The following UGT8 variants were observed in gnomAD, a reference collection of about 807,000 sequenced individuals.
UGT8 encodes the protein 2-hydroxyacylsphingosine 1-beta-galactosyltransferase.
In UGT8, 12 loss-of-function variants were observed where a neutral mutation model predicts 40.5. The ratio of observed to expected loss-of-function variants is 0.30; its 90% CI spans 0.19 to 0.48. UGT8 has a LOEUF of 0.48. UGT8 is among the 20% of genes least tolerant of loss of function. The probability of loss-of-function intolerance (pLI) is 0.99; values close to 1 mark genes in which losing one functional copy is unlikely to be tolerated. For synonymous variants in UGT8, 224 were observed against 240.4 expected (o/e 0.93, Z 0.63); for missense variants, 513 against 648.7 (o/e 0.79, Z 2.27).
chr4:114,635,417 C>T (rs72677938), intron 2 of UGT8, among the ~76,000 whole-genome samples: 2 of 151,428 alleles, frequency 1.3e-5, no homozygotes, highest in African/African-American at 4.8e-5. Flanking sequence ...CATATTTTTC[C>T]CCAGTGAATA....
chr4:114,606,357 T>C (rs749117995), intron 1 of UGT8, among the ~76,000 whole-genome samples: 2 of 152,158 alleles, frequency 1.3e-5, no homozygotes, highest in Admixed American at 6.6e-5. Flanking sequence ...CAGTTAGTCT[T>C]AGGCCTAAGA....
At chr4:114,633,488 G>C (rs1433744081) in intron 2 of UGT8, among the ~76,000 whole-genome samples, 1 of 152,174 alleles carries the variant, frequency 6.6e-6, no homozygotes, top group African/African-American at 2.4e-5. Flanking sequence ...AAGATCAGTG[G>C]GGGCTGAGAA....
At chr4:114,600,613 A>G (rs1730387718) in intron 1 of UGT8, among the ~76,000 whole-genome samples, 1 of 152,170 alleles carries the variant, frequency 6.6e-6, no homozygotes, top group Admixed American at 6.5e-5. Context: ...TTCATCACTC[A>G]GTTATTAAGC....
intron 2 of UGT8, among the ~76,000 whole-genome samples, chr4:114,624,328 A>C (rs1732050731): frequency 6.6e-6 from 1 of 152,224 alleles, no homozygotes; most frequent in Non-Finnish European, 1.5e-5. Context: ...TGAAACTTAA[A>C]TTCTTTTTAT....
intron 2 of UGT8, among the ~76,000 whole-genome samples, chr4:114,638,526 T>G (rs1437398642): frequency 1.3e-5 from 2 of 152,204 alleles, no homozygotes; most frequent in African/African-American, 4.8e-5. Context: ...CTGTCCTCCC[T>G]CCATCTGTTT....
intron 1 of UGT8, among the ~76,000 whole-genome samples, chr4:114,620,594 A>T (rs1047225099): frequency 5.9e-5 from 9 of 152,252 alleles, no homozygotes; most frequent in African/African-American, 2.2e-4. Context: ...TTAAAGCCTT[A>T]TAATAATGTA....
At chr4:114,620,795 A>G (rs2126096019) in intron 1 of UGT8, among the ~76,000 whole-genome samples, 1 of 152,306 alleles carries the variant, frequency 6.6e-6, no homozygotes. Context: ...TGATTTCTTT[A>G]CATTGCTTGT....
At chr4:114,618,523 A>T (rs905740864) in intron 1 of UGT8, among the ~76,000 whole-genome samples, 7 of 152,058 alleles carry the variant, frequency 4.6e-5, no homozygotes, top group African/African-American at 1.7e-4. Flanking sequence ...TATATTCTTC[A>T]CTCAAATTTC....
At chr4:114,648,720 A>G (rs1733729412) in intron 2 of UGT8, among the ~76,000 whole-genome samples, 1 of 152,210 alleles carries the variant, frequency 6.6e-6, no homozygotes, top group Non-Finnish European at 1.5e-5. Context: ...AGATTTCTTT[A>G]TGTATATCAT....
At chr4:114,668,410 A>T in intron 5 of UGT8, 106 bp downstream of exon 5, 1 of 966,534 alleles carries the variant, frequency 1.0e-6, no homozygotes, top group South Asian at 1.6e-5. Context: ...AATTATGGAA[A>T]TATCCTTTAG....
intron 2 of UGT8, among the ~76,000 whole-genome samples, chr4:114,629,288 C>T (rs776868783): frequency 7.2e-5 from 11 of 152,170 alleles, no homozygotes; most frequent in Non-Finnish European, 1.6e-4. Flanking sequence ...CTAATAATTT[C>T]ATTCCAGTTA....
intron 1 of UGT8, among the ~76,000 whole-genome samples, chr4:114,618,122 T>C (rs997604463): frequency 2.6e-5 from 4 of 152,096 alleles, no homozygotes; most frequent in African/African-American, 9.7e-5. Flanking sequence ...ATTAAAATTA[T>C]TTTCAAACAT....
chr4:114,667,643 G>A (rs1383889729), intron 4 of UGT8: 1 of 154,434 alleles, frequency 6.5e-6, no homozygotes, highest in African/African-American at 2.4e-5. Flanking sequence ...ACTCTTCATG[G>A]ACTTCTGGAA....
chr4:114,656,006 T>G (rs1422511865), intron 2 of UGT8, among the ~76,000 whole-genome samples: 4 of 152,182 alleles, frequency 2.6e-5, no homozygotes, highest in African/African-American at 7.2e-5. Context: ...CATAATTGGA[T>G]TCAGGTTTTG....
chr4:114,602,742 G>A (rs10033112), intron 1 of UGT8, among the ~76,000 whole-genome samples: 7,757 of 152,248 alleles, frequency 0.051, 418 homozygotes, highest in African/African-American at 0.13. Context: ...GCAGAAATTT[G>A]GAAGTGGTCA....
At chr4:114,613,122 T>C (rs1303384607) in intron 1 of UGT8, among the ~76,000 whole-genome samples, 1 of 152,150 alleles carries the variant, frequency 6.6e-6, no homozygotes, top group East Asian at 1.9e-4. Context: ...GGGTACTGAT[T>C]TGGGGATCCA....
rs1487990822 is a variant in UGT8 at position 114,622,889 on chromosome 4, T to C, written c.9T>C (p.Ser3=). 6.2e-7 allele frequency: 1 copy of C among 1,611,634 alleles called. No homozygotes were observed. Among genetic ancestry groups the C allele is most frequent in the Non-Finnish European group, 8.5e-7 (1 of 1,178,610 alleles). Residue 3 remains serine (S), a synonymous_variant, in exon 2 of 6, where the codon TCT becomes TCC. Transcript: ENST00000310836. MK[S]YTPYFILLWS... is the part of the protein sequence containing the mutation. ...TGGTTGTTATTACAGCTATGAAGTC[T>C]TACACTCCATATTTCATTCTCCTGT...
intron 1 of UGT8, among the ~76,000 whole-genome samples, chr4:114,610,961 T>G (rs895556055): frequency 6.6e-6 from 1 of 152,194 alleles, no homozygotes; most frequent in East Asian, 1.9e-4. Flanking sequence ...TACTGTAGCC[T>G]TAAGAATCTC....
At chr4:114,671,244 T>C (rs1280275348) in intron 5 of UGT8, among the ~76,000 whole-genome samples, 2 of 152,230 alleles carry the variant, frequency 1.3e-5, no homozygotes, top group South Asian at 2.1e-4. Context: ...AAGTAATTTA[T>C]AGATTGAATG....
Sources: allele counts gnomAD v4.1 joint callset (sites outside exome capture counted in the v4.1 genomes callset), GRCh38; gene constraint gnomAD v4.1.1; transcripts MANE v1.5; gene names NCBI Gene and HGNC (gene_info 2026-07-23, HGNC 2026-07-21).